MYBPC2: variants seen among roughly 807,000 people sequenced by gnomAD.
The protein encoded by MYBPC2 is myosin binding protein C2.
Under a neutral mutation model 137.0 loss-of-function variants are expected in MYBPC2, and 122 were observed. The ratio of observed to expected loss-of-function variants is 0.89; its 90% CI spans 0.77 to 1.03. MYBPC2 has a LOEUF of 1.03. Among genes scored for constraint, MYBPC2 ranks in the 50% least tolerant of loss-of-function variants. The pLI is 0.00. For missense variants in MYBPC2, 1,500 were observed against 1,534.4 expected (o/e 0.98, Z 0.37); for synonymous variants, 626 against 612.3 (o/e 1.02, Z -0.33).
rs1313514934 is a variant in MYBPC2 at position 50,466,215 on chromosome 19, C to T, written c.*10C>T. The T allele has an allele frequency of 1.2e-6, 2 of 1,613,904 alleles. No individual in the cohort carries two copies. Among genetic ancestry groups the T allele is most frequent in the East Asian group, 2.2e-5 (1 of 44,874 alleles). On this transcript the variant is annotated 3_prime_UTR_variant, in exon 28 of 28. Transcript: ENST00000357701. This position sits in a 1 kb window ranked among gnomAD's most constrained non-coding sequence, Gnocchi z 4.9. ...TGCAGTGCCGCAGTGAGACCTGTCC[C>T]CTACCTGCCAAGACAATTGGTGGTG...
At chr19:50,449,578 G>T (rs1291103564) in intron 13 of MYBPC2, among the ~76,000 whole-genome samples, 1 of 152,262 alleles carries the variant, frequency 6.6e-6, no homozygotes, top group Non-Finnish European at 1.5e-5. Flanking sequence ...TGATGGGGAT[G>T]CTGCAAAGTC....
At chr19:50,453,990 G>A (rs200727199) in intron 16 of MYBPC2, 30 bp from the exon 17 acceptor site, 3 of 1,564,002 alleles carry the variant, frequency 1.9e-6, no homozygotes, top group Admixed American at 3.8e-5. Context: ...GACACGATGG[G>A]GTGCAAGGCC....
At chr19:50,450,518 C>T (rs1037790457) in intron 13 of MYBPC2, among the ~76,000 whole-genome samples, 2 of 152,156 alleles carry the variant, frequency 1.3e-5, no homozygotes, top group African/African-American at 2.4e-5. Flanking sequence ...ATTCTCGATC[C>T]TCAGCTTCCC....
In MYBPC2 at chr19:50,458,995, G is replaced by A; in HGVS notation, c.2584G>A (p.Val862Ile). The change falls in exon 22 of 28, where the codon GTC becomes ATC. Residue 862 changes from valine (V) to isoleucine (I), a missense_variant. Coordinates refer to ENST00000357701, the MANE Select transcript of MYBPC2 (RefSeq NM_004533.4). ...RKVGEQLNLV[V>I]PFQGKPRPQV... The stretch of plus-strand genomic sequence containing the variant: ...AGTGGGCGAGCAGCTCAACCTTGTC[G>A]TCCCCTTCCAGGTCAGGGGAGCGGG... 1.2e-6 allele frequency: 2 copies of A among 1,611,332 alleles called. No individual in the cohort carries two copies. Among genetic ancestry groups the A allele is most frequent in the South Asian group, 1.1e-5 (1 of 90,652 alleles).
At chr19:50,443,964 A>C (rs1043257442) in intron 11 of MYBPC2, 148 bp downstream of exon 11, 2 of 726,926 alleles carry the variant, frequency 2.8e-6, no homozygotes, top group Admixed American at 6.2e-5. Flanking sequence ...GCTTTTCTCT[A>C]TAAATCCTTA....
chr19:50,464,763 G>GAAGGAC (rs2040000140), intron 27 of MYBPC2, among the ~76,000 whole-genome samples: 1 of 152,192 alleles, frequency 6.6e-6, no homozygotes, highest in South Asian at 2.1e-4. Context: ...CAAAGGAGTT[G>GAAGGAC]AAGGACAAGG....
rs2039901412 is a variant in MYBPC2 at position 50,455,526 on chromosome 19, C to T, written c.2220C>T (p.Pro740=). Residue 740 remains proline (P), a synonymous_variant, in exon 20 of 28, where the codon CCC becomes CCT. Transcript: ENST00000357701. ...PFMPIAPTSE[P]LHLIVEDVTD... ...TGCTTGCAGCACCCACGAGTGAACCCCTGCACCTGATAGTGGAGGATGTGA... is the reference window on the plus strand; with the variant it reads ...TGCTTGCAGCACCCACGAGTGAACCTCTGCACCTGATAGTGGAGGATGTGA... 8 of 1,613,898 alleles carry T rather than the reference C, an allele frequency of 5.0e-6. No homozygotes were observed. Among genetic ancestry groups the T allele is most frequent in the Non-Finnish European group, 6.8e-6 (8 of 1,179,828 alleles).
chr19:50,452,492 G>GTATCTATCTATCTATC (rs762606865), intron 16 of MYBPC2, among the ~76,000 whole-genome samples: 4 of 123,106 alleles, frequency 3.2e-5, no homozygotes, highest in East Asian at 2.9e-4. Context: ...ATGTATGTAT[G>GTATCTATCTATCTATC]TATGTATGTA....
intron 1 of MYBPC2, among the ~76,000 whole-genome samples, chr19:50,433,412 G>T (rs1258168287): frequency 1.4e-5 from 2 of 144,488 alleles, no homozygotes; most frequent in Non-Finnish European, 3.0e-5. Context: ...TTGGTTTTTG[G>T]TTTTTTTTTT....
Position 50,446,689 on chromosome 19 carries a change from G to A in MYBPC2, c.1306+637G>A, listed in dbSNP as rs373026756. ...ACAAAAATTAGCTGGGTGTGGTGGCGTGCACCTGTAATCACAGCTACTCGG... is the reference window on the plus strand; with the variant it reads ...ACAAAAATTAGCTGGGTGTGGTGGCATGCACCTGTAATCACAGCTACTCGG... On this transcript the variant is annotated intron_variant, in intron 12 of 27. Transcript: ENST00000357701. Among the ~76,000 whole-genome samples the A allele has an allele frequency of 4.0e-5, 6 of 150,804 alleles. No individual in the cohort carries two copies. The East Asian group carries it at 7.8e-4, about 20-fold the overall frequency.
rs1390251664 is a variant in MYBPC2 at position 50,455,153 on chromosome 19, A to T, written c.2060A>T (p.Lys687Met). The T allele has an allele frequency of 3.7e-6, 6 of 1,613,646 alleles. No individual in the cohort carries two copies. Among genetic ancestry groups the T allele is most frequent in the Non-Finnish European group, 5.1e-6 (6 of 1,179,870 alleles). ...AAGAAGGGCTCTCAGCGCTGGATGA[A>T]GCTGAACTTTGAGGTCTTCACAGAG... ...RKKKGSQRWM[K>M]LNFEVFTETT... is the part of the protein sequence containing the mutation. The change falls in exon 19 of 28, where the codon AAG becomes ATG. Residue 687 changes from lysine to methionine, a missense_variant. Transcript: ENST00000357701.
rs1208324934 is a variant in MYBPC2, at chr19:50,452,504, G to GTATCTATCTATCTATCTATC, written c.1749+504_1749+505insCTATCTATCTATCTATCTAT. 5.0e-3 allele frequency among the ~76,000 whole-genome samples: 514 copies of GTATCTATCTATCTATCTATC among 102,950 alleles called. 4 individuals are homozygous for GTATCTATCTATCTATCTATC. Among genetic ancestry groups the GTATCTATCTATCTATCTATC allele is most frequent in the African/African-American group, 0.01 (284 of 28,254 alleles). 67.5% of individuals were successfully genotyped at this position (102,950 alleles called of 152,430 possible). ...TGTATGTATGTATGTATGTATGTAT[G>GTATCTATCTATCTATCTATC]TATGTATCTATCTATCTATCTATCT... is the stretch of plus-strand genomic sequence containing the variant. On this transcript the variant is annotated intron_variant, in intron 16 of 27. Transcript: ENST00000357701.
At chr19:50,451,076 G>C (rs2039852597) in intron 14 of MYBPC2, 141 bp downstream of exon 14, 2 of 1,013,736 alleles carry the variant, frequency 2.0e-6, no homozygotes, top group Admixed American at 4.4e-5. Context: ...CTCATGGCTG[G>C]AGTCAGAAGA....
At position 50,455,581 on chromosome 19, in the gene MYBPC2, C is replaced by T. The variant is rs369701444; in HGVS notation, c.2275C>T (p.Pro759Ser). The T allele has an allele frequency of 1.2e-6, 2 of 1,614,006 alleles. No individual in the cohort carries two copies. The highest frequency in any genetic ancestry group is 1.7e-6 in the Non-Finnish European group (2 of 1,179,896). Residue 759 changes from proline (P) to serine (S), a missense_variant, in exon 20 of 28, where the codon CCT (proline) becomes TCT (serine). By Grantham distance (74) the Pro-to-Ser change is moderately conservative. Coordinates refer to ENST00000357701, the MANE Select transcript of MYBPC2 (RefSeq NM_004533.4). ...CACCACCACCACACTCAAGTGGAGGCCTCCGAACAGGATCGGGGCAGGTGG... is the reference window on the plus strand; with the variant it reads ...CACCACCACCACACTCAAGTGGAGGTCTCCGAACAGGATCGGGGCAGGTGG... ...TDTTTTLKWRPPNRIGAGGID... is the reference protein window; with the variant it reads ...TDTTTTLKWRSPNRIGAGGID...
In MYBPC2 at chr19:50,437,584, GAAA is replaced by G. The variant is rs575122077; in HGVS notation, c.512+66_512+68del. 7.0e-4 allele frequency: 1,110 copies of G among 1,593,500 alleles called. 13 individuals carry two copies. The African/African-American group carries it at 0.014, about 20-fold the overall frequency. On this transcript the variant is annotated intron_variant, in intron 6 of 27. Transcript: ENST00000357701. ...CATGGGAGGCTCTCCCTTGGAAGGG[GAAA>G]AAGGGAGGATTGGGGAAGGCAAGGG... is the stretch of plus-strand genomic sequence containing the variant.
rs374374728 is a variant in MYBPC2, at chr19:50,455,165, A to G, written c.2072A>G (p.Glu691Gly). ...GSQRWMKLNF[E>G]VFTETTYEST... ...CAGCGCTGGATGAAGCTGAACTTTG[A>G]GGTCTTCACAGAGACCACCTATGAG... The change falls in exon 19 of 28, where the codon GAG (glutamate) becomes GGG (glycine). Residue 691 changes from glutamate to glycine, a missense_variant. Physicochemically the swap from Glu to Gly is moderately conservative, Grantham distance 98. Coordinates refer to ENST00000357701, the MANE Select transcript of MYBPC2 (RefSeq NM_004533.4). 3.5e-5 allele frequency: 57 copies of G among 1,613,652 alleles called. No homozygotes were observed. Among genetic ancestry groups the G allele is most frequent in the Middle Eastern group, 3.3e-4 (2 of 6,050 alleles).
At chr19:50,457,912 T>G (rs923058422) in intron 20 of MYBPC2, among the ~76,000 whole-genome samples, 1 of 151,128 alleles carries the variant, frequency 6.6e-6, no homozygotes, top group Non-Finnish European at 1.5e-5. Flanking sequence ...ACTCCTGGAC[T>G]CAAGTGATCT....
chr19:50,440,678 C>CAAA (rs753930627), intron 7 of MYBPC2, among the ~76,000 whole-genome samples: 24,604 of 136,924 alleles, frequency 0.18, 2,459 homozygotes, highest in Non-Finnish European at 0.22. Flanking sequence ...AAAAAAAAAC[C>CAAA]AAAAAACCCA....
At chr19:50,454,393 C>A (rs771376263) in intron 18 of MYBPC2, 24 bp downstream of exon 18, 48 of 1,480,822 alleles carry the variant, frequency 3.2e-5, no homozygotes, top group Non-Finnish European at 4.4e-5. Flanking sequence ...TCCTCATGAC[C>A]TCTGACCTTC....
Sources: gnomAD v4.1 joint callset for allele counts (sites outside exome capture counted in the v4.1 genomes callset) on GRCh38, gnomAD v4.1.1 for gene constraint, Gnocchi (gnomAD v3.1) non-coding constraint, MANE v1.5 for transcripts, NCBI Gene and HGNC (gene_info 2026-07-23, HGNC 2026-07-21) for gene names.